Variants in NCAPG observed in about 807,000 individuals in gnomAD.
NCAPG encodes the protein non-SMC condensin I complex subunit G.
Under a neutral mutation model 113.1 loss-of-function variants are expected in NCAPG, and 69 were observed. The observed-to-expected ratio is 0.61, with a 90% confidence interval of 0.50 to 0.75. NCAPG has a LOEUF of 0.75. Among genes scored for constraint, NCAPG ranks in the 30% least tolerant of loss-of-function variants. The pLI, the probability that NCAPG is intolerant of heterozygous loss-of-function variation, is 0.00. For missense variants in NCAPG, 1,058 were observed against 1,177.0 expected, an observed-to-expected ratio of 0.90 and a Z score of 1.48; for synonymous variants, 370 against 415.8, an observed-to-expected ratio of 0.89 and a Z score of 1.34.
In NCAPG at chr4:17,811,014, G is replaced by A. The variant is rs117540091; in HGVS notation, c.-64G>A. On this transcript the variant is annotated 5_prime_UTR_variant, in exon 1 of 21. Transcript: ENST00000251496. The surrounding 1 kb of genome is among the most constrained non-coding windows in gnomAD (Gnocchi z 5.3). ...ACTACTCGGAGAGCGCTGCCTCTGG[G>A]TTGGCGGGCTGGCAGGCTGTAGCCG... The A allele has an allele frequency of 2.0e-6, 2 of 1,024,122 alleles. No individual in the cohort carries two copies. Among genetic ancestry groups the A allele is most frequent in the South Asian group, 1.7e-5 (1 of 57,640 alleles). The allele number at this position is 1,024,122 out of a possible 1,614,324, so 63.4% of individuals were successfully genotyped here. A position where few individuals can be genotyped will look rare whatever the true frequency, so the allele number is the denominator to read the frequency against.
chr4:17,814,783 G>T lies in NCAPG; in HGVS notation c.545-70G>T, dbSNP rs183707253. ...TAAAGGCATTTTAAAATATCAAAAT[G>T]TGTGTTATTTTATGACTGTAGTTAA... On this transcript the variant is annotated intron_variant, in intron 3 of 20. Transcript: ENST00000251496. 2.0e-5 allele frequency: 30 copies of T among 1,470,496 alleles called. No homozygotes were observed. The Admixed American group carries it at 3.5e-4, about 17-fold the overall frequency. The allele number at this position is 1,470,496 out of a possible 1,614,324, so 91.1% of individuals were successfully genotyped here. A position where few individuals can be genotyped will look rare whatever the true frequency, so the allele number is the denominator to read the frequency against.
intron 7 of NCAPG, among the ~76,000 whole-genome samples, chr4:17,820,963 C>T (rs1721434131): frequency 1.3e-5 from 2 of 152,146 alleles, no homozygotes; most frequent in Admixed American, 6.5e-5. Context: ...AATTCTTAGA[C>T]TTTAAAATAC....
At chr4:17,822,695 A>G (rs1332378149) in intron 7 of NCAPG, among the ~76,000 whole-genome samples, 5 of 152,312 alleles carry the variant, frequency 3.3e-5, no homozygotes, top group African/African-American at 9.6e-5. Context: ...ACATTGAAAT[A>G]ATTAGTTATC....
intron 5 of NCAPG, among the ~76,000 whole-genome samples, chr4:17,816,523 G>A (rs1341052728): frequency 1.3e-5 from 2 of 152,194 alleles, no homozygotes; most frequent in Admixed American, 6.5e-5. Context: ...ACCGACTTGC[G>A]TTTGAAAACA....
At chr4:17,841,246 T>TATTA (rs1722372658) in intron 19 of NCAPG, 1 of 151,984 alleles carries the variant, frequency 6.6e-6, no homozygotes, top group African/African-American at 2.4e-5. Flanking sequence ...AATGCATGCT[T>TATTA]ATTACAGAAG....
chr4:17,811,520 T>G lies in NCAPG; in HGVS notation c.111+332T>G, dbSNP rs1478507215. ...GAAACATTTACGACCACCGAGGCGA[T>G]CAGACATCAAATATTGAACCGCAGA... On this transcript the variant is annotated intron_variant, in intron 1 of 20. Transcript: ENST00000251496. The surrounding 1 kb of genome is among the most constrained non-coding windows in gnomAD (Gnocchi z 5.3). Among the ~76,000 whole-genome samples, 1 of 149,508 alleles carries G rather than the reference T, an allele frequency of 6.7e-6. No individual in the cohort carries two copies. Among genetic ancestry groups the G allele is most frequent in the Non-Finnish European group, 1.5e-5 (1 of 67,028 alleles).
chr4:17,843,612 A>G lies in NCAPG; in HGVS notation c.*187A>G. 1 of 506,482 alleles carries G rather than the reference A, an allele frequency of 2.0e-6. No homozygotes were observed. The highest frequency in any genetic ancestry group is 3.5e-6 in the Non-Finnish European group (1 of 285,814). The allele number at this position is 506,482 out of a possible 1,614,324, so 31.4% of individuals were successfully genotyped here. A position where few individuals can be genotyped will look rare whatever the true frequency, so the allele number is the denominator to read the frequency against. On this transcript the variant is annotated 3_prime_UTR_variant, in exon 21 of 21. Coordinates refer to ENST00000251496, the MANE Select transcript of NCAPG (RefSeq NM_022346.5). ...GCATCAGTTATTATAGTCCAGAAAA[A>G]GTGTGCATCAGTCAGTCACACAGAT...
intron 3 of NCAPG, chr4:17,813,384 GTTAA>G: frequency 3.2e-6 from 1 of 310,432 alleles, no homozygotes. Context: ...TCAGTTTGGG[GTTAA>G]TTAGTCTCTT....
Position 17,812,307 on chromosome 4 carries a change from G to C in NCAPG, c.198G>C (p.Glu66Asp). Residue 66 changes from glutamate to aspartate, a missense_variant, in exon 2 of 21, where the codon GAG becomes GAC. Physicochemically the swap from Glu to Asp is conservative, Grantham distance 45 (BLOSUM62 2). Coordinates refer to ENST00000251496, the MANE Select transcript of NCAPG (RefSeq NM_022346.5). ...TCTATAAACGTGAACCAGCTGTGGA[G>C]AGGGTAATAGAATTTGCAGCAAAGT... ...MVVYKREPAV[E>D]RVIEFAAKFV... The C allele has an allele frequency of 1.2e-6, 2 of 1,613,750 alleles. No individual in the cohort carries two copies. Among genetic ancestry groups the C allele is most frequent in the Non-Finnish European group, 1.7e-6 (2 of 1,179,800 alleles).
intron 16 of NCAPG, 27 bp downstream of exon 16, chr4:17,837,828 G>C: frequency 6.2e-7 from 1 of 1,611,900 alleles, no homozygotes; most frequent in Non-Finnish European, 8.5e-7. Context: ...ACTGCATGCA[G>C]ATCACTGTTT....
rs961878124 is a variant in NCAPG, at chr4:17,811,161, G to C, written c.84G>C (p.Val28=). The change falls in exon 1 of 21, where the codon GTG becomes GTC. Residue 28 remains valine (V), a synonymous_variant. Coordinates refer to ENST00000251496, the MANE Select transcript of NCAPG (RefSeq NM_022346.5). This position sits in a 1 kb window ranked among gnomAD's most constrained non-coding sequence, Gnocchi z 5.3. ...QQPHQNQAKL[V]VALSRTYRTM... ...CGCACCAGAACCAGGCGAAGCTGGT[G>C]GTGGCGCTGAGCCGCACCTACCGCA... 6.6e-6 allele frequency: 10 copies of C among 1,512,766 alleles called. No homozygotes were observed. In the African/African-American group the frequency reaches 1.3e-4, roughly 20 times the overall value. The allele number at this position is 1,512,766 out of a possible 1,614,324, so 93.7% of individuals were successfully genotyped here.
At position 17,811,205 on chromosome 4, in the gene NCAPG, C is replaced by T; in HGVS notation, c.111+17C>T. 7.0e-7 allele frequency: 1 copy of T among 1,429,286 alleles called. No individual in the cohort carries two copies. The highest frequency in any genetic ancestry group is 2.9e-5 in the East Asian group (1 of 34,426). 88.5% of individuals were successfully genotyped at this position (1,429,286 alleles called of 1,614,324 possible). A position where few individuals can be genotyped will look rare whatever the true frequency, so the allele number is the denominator to read the frequency against. On this transcript the variant is annotated intron_variant, in intron 1 of 20. Transcript: ENST00000251496. This position sits in a 1 kb window ranked among gnomAD's most constrained non-coding sequence, Gnocchi z 5.3. ...TACCGCACGGTAAGCGCTCCCGGCC[C>T]CGGCCGCCGCCTCTCGCCCGCCCCG...
In NCAPG at chr4:17,843,869, C is replaced by G. The variant is rs183221342; in HGVS notation, c.*444C>G. On this transcript the variant is annotated 3_prime_UTR_variant, in exon 21 of 21. Transcript: ENST00000251496. ...TTTCTAGGGAAAATGAAGGAAGTACCACAAACTGGCTAGAAAGGAGCTTAT... is the reference window on the plus strand; with the variant it reads ...TTTCTAGGGAAAATGAAGGAAGTACGACAAACTGGCTAGAAAGGAGCTTAT... 3.9e-3 allele frequency: 597 copies of G among 153,096 alleles called. 14 individuals are homozygous for G. The East Asian group carries it at 0.059, about 15-fold the overall frequency. The allele number at this position is 153,096 out of a possible 1,614,324, so 9.5% of individuals were successfully genotyped here. A position where few individuals can be genotyped will look rare whatever the true frequency, so the allele number is the denominator to read the frequency against.
chr4:17,837,332 T>G lies in NCAPG; in HGVS notation c.2283T>G (p.Tyr761Ter). The G allele has an allele frequency of 6.2e-7, 1 of 1,612,996 alleles. No individual in the cohort carries two copies. The highest frequency in any genetic ancestry group is 8.5e-7 in the Non-Finnish European group (1 of 1,179,504). The change falls in exon 15 of 21, where the codon TAT (tyrosine) becomes TAG (stop). Residue 761 changes from tyrosine to a stop codon, truncating the protein, a stop_gained. Coordinates refer to ENST00000251496, the MANE Select transcript of NCAPG (RefSeq NM_022346.5). LOFTEE classifies it high-confidence loss of function. ...GCGTGTTCTTCCCCGTGTTTGCTTA[T>G]GCAAGCAGGTATTGAGTCATACTGA... ...CLGVFFPVFA[Y>*]ASRTNQECFE...
intron 16 of NCAPG, 145 bp from the exon 17 acceptor site, chr4:17,839,531 A>C (rs1026669610): frequency 5.8e-6 from 3 of 514,046 alleles, no homozygotes; most frequent in Non-Finnish European, 9.6e-6. Flanking sequence ...TTTTGGGGGT[A>C]GGGAGGATGT....
In NCAPG at chr4:17,825,847, C is replaced by T. The variant is rs994150740; in HGVS notation, c.1653+286C>T. ...GGGAAGCTAGCTTTCCAGTGGTTCA[C>T]ATCTGAGTTTTCTGTTTTTTGTCTT... On this transcript the variant is annotated intron_variant, in intron 11 of 20. Coordinates refer to ENST00000251496, the MANE Select transcript of NCAPG (RefSeq NM_022346.5). 2.5e-4 allele frequency among the ~76,000 whole-genome samples: 38 copies of T among 152,156 alleles called. 1 individual carries two copies. Among genetic ancestry groups the T allele is most frequent in the Non-Finnish European group, 7.4e-5 (5 of 67,928 alleles).
intron 7 of NCAPG, among the ~76,000 whole-genome samples, 189 bp from the exon 8 acceptor site, chr4:17,822,794 T>C (rs1057353549): frequency 6.6e-6 from 1 of 152,198 alleles, no homozygotes; most frequent in Admixed American, 6.5e-5. Context: ...TTTTGATTCA[T>C]CAATAAGTTT....
intron 7 of NCAPG, among the ~76,000 whole-genome samples, chr4:17,822,172 G>A (rs1721483734): frequency 6.6e-6 from 1 of 150,438 alleles, no homozygotes; most frequent in Admixed American, 6.6e-5. Context: ...TGATAATTAG[G>A]CATGATGAAG....
Position 17,823,675 on chromosome 4 carries a change from A to G in NCAPG, c.1288A>G (p.Ile430Val). 1 of 1,611,316 alleles carries G rather than the reference A, an allele frequency of 6.2e-7. No homozygotes were observed. The highest frequency in any genetic ancestry group is 8.5e-7 in the Non-Finnish European group (1 of 1,178,100). ...RKKLLAVLQE[I>V]LILPTIPISL... ...AAAACTGCTGGCTGTTTTACAGGAG[A>G]TTCTTATTTTACCCACAATCCCAAT... Residue 430 changes from isoleucine (I) to valine (V), a missense_variant, in exon 9 of 21, where the codon ATT becomes GTT. Coordinates refer to ENST00000251496, the MANE Select transcript of NCAPG (RefSeq NM_022346.5).
Sources: allele counts gnomAD v4.1 joint callset (sites outside exome capture counted in the v4.1 genomes callset), GRCh38; gene constraint gnomAD v4.1.1; non-coding constraint Gnocchi (gnomAD v3.1); transcripts MANE v1.5; gene names NCBI Gene and HGNC (gene_info 2026-07-23, HGNC 2026-07-21).